Variants in SRPK2 observed in about 807,000 individuals in gnomAD.
SRPK2 encodes SRSF protein kinase 2.
Under a neutral mutation model 90.8 loss-of-function variants are expected in SRPK2, and 21 were observed. That is an observed-to-expected ratio of 0.23 (90% confidence interval 0.16 to 0.33). The LOEUF (loss-of-function observed/expected upper bound fraction) is 0.33, where lower values mean the gene tolerates loss of function less well. SRPK2 is among the 10% of genes least tolerant of loss of function. SRPK2 has a pLI of 1.00. For synonymous variants in SRPK2, 288 were observed against 311.1 expected (o/e 0.93, Z 0.78); for missense variants, 620 against 869.0 (o/e 0.71, Z 3.60).
chr7:105,280,232 T>C (rs978130909), intron 2 of SRPK2, among the ~76,000 whole-genome samples: 6 of 151,994 alleles, frequency 3.9e-5, no homozygotes, highest in African/African-American at 1.4e-4. Flanking sequence ...CTGGATAATA[T>C]GGTGAAACTC....
chr7:105,338,000 G>A (rs1021092849), intron 2 of SRPK2, among the ~76,000 whole-genome samples: 1 of 151,490 alleles, frequency 6.6e-6, no homozygotes, highest in Non-Finnish European at 1.5e-5. Context: ...CAAGTACTTA[G>A]GGGTTTCATA....
chr7:105,258,759 C>G (rs776762276), intron 2 of SRPK2, among the ~76,000 whole-genome samples: 15 of 152,184 alleles, frequency 9.9e-5, no homozygotes, highest in Non-Finnish European at 2.1e-4. Context: ...TAATCCATCA[C>G]ATAAAAACAG....
chr7:105,211,541 G>A (rs1796860294), intron 2 of SRPK2, among the ~76,000 whole-genome samples: 1 of 152,094 alleles, frequency 6.6e-6, no homozygotes, highest in South Asian at 2.1e-4. Context: ...AACACAGTGT[G>A]GGAGCAGTAA....
intron 2 of SRPK2, among the ~76,000 whole-genome samples, chr7:105,226,499 C>T (rs566105495): frequency 6.6e-6 from 1 of 152,142 alleles, no homozygotes; most frequent in East Asian, 1.9e-4. Context: ...CCACGTTGGC[C>T]AGGCTGGTCT....
At chr7:105,384,062 C>G (rs1680428006) in intron 2 of SRPK2, among the ~76,000 whole-genome samples, 1 of 151,916 alleles carries the variant, frequency 6.6e-6, no homozygotes, top group Admixed American at 6.6e-5. Flanking sequence ...AATGAATAGA[C>G]TAAAAATCTG....
At chr7:105,218,069 C>A (rs1797675573) in intron 2 of SRPK2, among the ~76,000 whole-genome samples, 1 of 152,108 alleles carries the variant, frequency 6.6e-6, no homozygotes, top group Non-Finnish European at 1.5e-5. Context: ...GCGTTCTAGG[C>A]AGGAGGACAT....
At chr7:105,252,587 T>C (rs1802622318) in intron 2 of SRPK2, among the ~76,000 whole-genome samples, 1 of 152,188 alleles carries the variant, frequency 6.6e-6, no homozygotes, top group Non-Finnish European at 1.5e-5. Flanking sequence ...CTTCCATCAG[T>C]GGAAGACAGA....
rs531570183 is a variant in SRPK2, at chr7:105,397,908, G to A, written n.153+1248C>T. Among the ~76,000 whole-genome samples the A allele has an allele frequency of 5.3e-5, 8 of 152,122 alleles. No individual in the cohort carries two copies. The East Asian group carries it at 5.8e-4, about 11-fold the overall frequency. On this transcript the variant is annotated intron_variant and non_coding_transcript_variant, in intron 1 of 3. Coordinates refer to the SRPK2 transcript ENST00000462282. The stretch of plus-strand genomic sequence containing the variant: ...AGTGACCCACTCACCTCGGCTTCCC[G>A]AAGTGCTGGGATTACAGGTGTGAAC...
intron 2 of SRPK2, among the ~76,000 whole-genome samples, chr7:105,357,470 A>G (rs797015389): frequency 1.4e-4 from 22 of 152,304 alleles, no homozygotes; most frequent in African/African-American, 5.3e-4. Flanking sequence ...TAAACAATAA[A>G]TATCTCTTCA....
chr7:105,169,791 C>T (rs1790568486), intron 3 of SRPK2, among the ~76,000 whole-genome samples: 1 of 152,168 alleles, frequency 6.6e-6, no homozygotes, highest in Non-Finnish European at 1.5e-5. Flanking sequence ...ATCTAGCACA[C>T]CGTAATGATA....
At chr7:105,216,632 G>A (rs1286310428) in intron 2 of SRPK2, among the ~76,000 whole-genome samples, 2 of 144,444 alleles carry the variant, frequency 1.4e-5, no homozygotes, top group African/African-American at 2.5e-5. Context: ...TCCAGCCTGG[G>A]CAACAGAATG....
chr7:105,160,252 TA>T (rs573211662), intron 7 of SRPK2: 1,771 of 240,404 alleles, frequency 7.4e-3, no homozygotes, highest in East Asian at 0.012. Context: ...TCACATACCT[TA>T]AAAAAAAAAA....
intron 3 of SRPK2, among the ~76,000 whole-genome samples, chr7:105,187,666 T>C (rs1056925552): frequency 2.0e-5 from 3 of 152,192 alleles, no homozygotes. Flanking sequence ...ACCATCTCAG[T>C]GTGTTACCAA....
chr7:105,145,994 C>A (rs1041655807), intron 8 of SRPK2, among the ~76,000 whole-genome samples: 1 of 152,148 alleles, frequency 6.6e-6, no homozygotes, highest in African/African-American at 2.4e-5. Flanking sequence ...ACCTCCCCGA[C>A]CCCGCCCCAG....
chr7:105,218,836 T>C (rs187157193), intron 2 of SRPK2, among the ~76,000 whole-genome samples: 46 of 152,190 alleles, frequency 3.0e-4, no homozygotes, highest in African/African-American at 1.1e-3. Context: ...TGATAAATCC[T>C]ATTCATTTTT....
chr7:105,205,075 C>T (rs1796025943), intron 2 of SRPK2, among the ~76,000 whole-genome samples: 1 of 152,182 alleles, frequency 6.6e-6, no homozygotes, highest in Admixed American at 6.5e-5. Flanking sequence ...CACTAAGAGA[C>T]AGGCCAAAGG....
downstream of SRPK2, among the ~76,000 whole-genome samples, chr7:105,114,797 C>T (rs987297726): frequency 2.0e-5 from 3 of 152,142 alleles, no homozygotes; most frequent in Non-Finnish European, 4.4e-5. Context: ...AATGATGGTA[C>T]ATTAACGCAG....
chr7:105,389,904 T>A (rs1389519939), upstream of SRPK2, among the ~76,000 whole-genome samples: 1 of 152,190 alleles, frequency 6.6e-6, no homozygotes, highest in Non-Finnish European at 1.5e-5. Flanking sequence ...TGGCTTACAC[T>A]AAGGATGATA....
In SRPK2 at chr7:105,256,127, C is replaced by T. The variant is rs1250876146; in HGVS notation, c.72-52342G>A. On this transcript the variant is annotated intron_variant, in intron 2 of 15. Coordinates refer to ENST00000393651, the MANE Select transcript of SRPK2 (RefSeq NM_182692.3). Reference sequence around the variant, plus strand: ...ACCTGTGAGCATCAAGATAATTTTACTTCCATTATTTCAATCTACAGCTAA... The same window carrying T: ...ACCTGTGAGCATCAAGATAATTTTATTTCCATTATTTCAATCTACAGCTAA... Among the ~76,000 whole-genome samples, 3 of 152,266 alleles carry T rather than the reference C, an allele frequency of 2.0e-5. No individual in the cohort carries two copies. The East Asian group carries it at 5.8e-4, about 29-fold the overall frequency.
Sources: gnomAD v4.1 joint callset for allele counts (sites outside exome capture counted in the v4.1 genomes callset) on GRCh38, gnomAD v4.1.1 for gene constraint, MANE v1.5 for transcripts, NCBI Gene and HGNC (gene_info 2026-07-23, HGNC 2026-07-21) for gene names.